Variants in CLTC observed in about 807,000 individuals in gnomAD.
CLTC encodes clathrin heavy chain, also known as clathrin heavy chain 1.
CLTC carries 16 observed loss-of-function variants against 195.8 expected under a neutral mutation model. The observed-to-expected ratio is 0.08, with a 90% confidence interval of 0.06 to 0.12. CLTC has a LOEUF of 0.12. CLTC is among the 10% of genes least tolerant of loss of function. The probability of loss-of-function intolerance (pLI) is 1.00; values close to 1 mark genes in which losing one functional copy is unlikely to be tolerated. For synonymous variants in CLTC, 667 were observed against 689.4 expected, an observed-to-expected ratio of 0.97 and a Z score of 0.51; for missense variants, 796 against 2,027.0, an observed-to-expected ratio of 0.39 and a Z score of 11.66.
chr17:59,644,228 A>T (rs767185019), intron 1 of CLTC, 48 bp from the exon 2 acceptor site: 1 of 1,497,260 alleles, frequency 6.7e-7, no homozygotes, highest in African/African-American at 1.4e-5. Flanking sequence ...ATGAATGTCA[A>T]GTCTTTGGAA....
At chr17:59,654,329 C>T (rs1567948549) in intron 5 of CLTC, among the ~76,000 whole-genome samples, 2 of 151,706 alleles carry the variant, frequency 1.3e-5, no homozygotes, top group South Asian at 2.1e-4. Flanking sequence ...GCGCGCACCA[C>T]CCCACCTGGG....
At chr17:59,689,780 A>G (rs2033258277) in intron 30 of CLTC, 1 of 152,242 alleles carries the variant, frequency 6.6e-6, no homozygotes, top group African/African-American at 2.4e-5. Flanking sequence ...TAGCCCTAGA[A>G]GAAACTGCAG....
chr17:59,667,099 T>C (rs1018227734), intron 13 of CLTC, 122 bp downstream of exon 13: 3 of 683,554 alleles, frequency 4.4e-6, no homozygotes, highest in Non-Finnish European at 7.1e-6. Flanking sequence ...GACATTTTAA[T>C]TTTTTAAGTT....
chr17:59,630,168 T>C (rs1347790476), intron 1 of CLTC, among the ~76,000 whole-genome samples: 1 of 152,070 alleles, frequency 6.6e-6, no homozygotes, highest in African/African-American at 2.4e-5. Context: ...ACCCAGCCAA[T>C]TTTTGTATTT....
intron 1 of CLTC, among the ~76,000 whole-genome samples, chr17:59,628,450 G>C (rs1217412843): frequency 2.0e-5 from 3 of 152,056 alleles, no homozygotes; most frequent in Non-Finnish European, 4.4e-5. Context: ...GTTTCCCTTT[G>C]TCCACTTGAG....
At chr17:59,656,170 A>G (rs1447432312) in intron 6 of CLTC, 143 bp downstream of exon 6, 6 of 676,082 alleles carry the variant, frequency 8.9e-6, no homozygotes, top group African/African-American at 1.9e-5. Context: ...AAAAGTAAAT[A>G]GTAACTTTGG....
chr17:59,696,078 T>G lies in CLTC; in HGVS notation c.*2226T>G, dbSNP rs182025709. The stretch of plus-strand genomic sequence containing the variant: ...GTTGGGAATGCCACTACCTTTGAAT[T>G]TGGAGCCATCAGTCTATCTGAGGCA... On this transcript the variant is annotated 3_prime_UTR_variant, in exon 32 of 32. Transcript: ENST00000269122. The G allele has an allele frequency of 9.4e-6, 2 of 212,322 alleles. No homozygotes were observed. The highest frequency in any genetic ancestry group is 1.9e-5 in the Non-Finnish European group (2 of 105,040). The allele number at this position is 212,322 out of a possible 1,614,324, so 13.2% of individuals were successfully genotyped here.
At chr17:59,633,269 T>A (rs2031773073) in intron 1 of CLTC, among the ~76,000 whole-genome samples, 2 of 152,220 alleles carry the variant, frequency 1.3e-5, no homozygotes, top group South Asian at 4.1e-4. Context: ...GGTGGGTGGA[T>A]CACTTGAGAT....
intron 10 of CLTC, 65 bp downstream of exon 10, chr17:59,664,974 G>C: frequency 2.5e-6 from 4 of 1,584,672 alleles, no homozygotes; most frequent in Non-Finnish European, 3.4e-6. Flanking sequence ...CAGCCATGGT[G>C]GTTGACTTGG....
chr17:59,628,722 A>G (rs1351102331), intron 1 of CLTC, among the ~76,000 whole-genome samples: 1 of 151,976 alleles, frequency 6.6e-6, no homozygotes, highest in Non-Finnish European at 1.5e-5. Flanking sequence ...ACGGTGGTGC[A>G]ATCTTGGTTC....
chr17:59,684,023 CAT>C (rs3215190), intron 28 of CLTC, 38 bp downstream of exon 28: 163,906 of 1,291,314 alleles, frequency 0.13, 17,078 homozygotes, highest in East Asian at 0.48. Flanking sequence ...TCTCAAGACT[CAT>C]AAAGTTATGT....
In CLTC at chr17:59,648,604, G is replaced by A; in HGVS notation, c.681+203G>A. The A allele has an allele frequency of 1.9e-6, 1 of 528,006 alleles. No homozygotes were observed. The highest frequency in any genetic ancestry group is 2.7e-5 in the South Asian group (1 of 36,606). 32.7% of individuals were successfully genotyped at this position (528,006 alleles called of 1,614,324 possible). ...TGTTCTTTCACAACTCGTTCTGTTG[G>A]CTGTTTATATTCTTTGATTGCTAAA... On this transcript the variant is annotated intron_variant, in intron 4 of 31. Transcript: ENST00000269122. The surrounding 1 kb of genome is among the most constrained non-coding windows in gnomAD (Gnocchi z 4.5).
intron 1 of CLTC, among the ~76,000 whole-genome samples, chr17:59,632,336 C>G (rs915216910): frequency 6.8e-6 from 1 of 147,558 alleles, no homozygotes; most frequent in South Asian, 2.1e-4. Flanking sequence ...CCACTGCACT[C>G]CAGCCTGGGC....
rs192120414 is a variant in CLTC at position 59,681,518 on chromosome 17, G to A, written c.3249+40G>A. The A allele has an allele frequency of 4.6e-4, 745 of 1,603,294 alleles. No individual in the cohort carries two copies. The highest frequency in any genetic ancestry group is 5.9e-4 in the Non-Finnish European group (688 of 1,171,682). On this transcript the variant is annotated intron_variant, in intron 20 of 31. Coordinates refer to ENST00000269122, the MANE Select transcript of CLTC (RefSeq NM_004859.4). The surrounding 1 kb of genome is among the most constrained non-coding windows in gnomAD (Gnocchi z 5.0). ...TACCTAAGTTGAATTACTAAACACT[G>A]TGCTATGAGGGTGGGCCTAATTGGT...
At position 59,685,032 on chromosome 17, in the gene CLTC, T is replaced by C; in HGVS notation, c.4435-24T>C. ...TGTTAAACAAAATACTGATCTGGCA[T>C]TTGGATGGCTTTTTTTTTTTAAGGC... On this transcript the variant is annotated intron_variant, in intron 28 of 31. Coordinates refer to ENST00000269122, the MANE Select transcript of CLTC (RefSeq NM_004859.4). The surrounding 1 kb of genome is among the most constrained non-coding windows in gnomAD (Gnocchi z 5.0). The C allele has an allele frequency of 6.7e-7, 1 of 1,489,494 alleles. No homozygotes were observed. The highest frequency in any genetic ancestry group is 9.0e-7 in the Non-Finnish European group (1 of 1,108,730). The allele number at this position is 1,489,494 out of a possible 1,614,324, so 92.3% of individuals were successfully genotyped here.
chr17:59,687,035 C>A (rs2033199382), intron 30 of CLTC: 3 of 985,790 alleles, frequency 3.0e-6, no homozygotes, highest in Admixed American at 6.1e-5. Flanking sequence ...AAAGTTGATT[C>A]TTTAACATCT....
intron 31 of CLTC, among the ~76,000 whole-genome samples, chr17:59,692,698 G>C (rs937825917): frequency 1.3e-5 from 2 of 152,084 alleles, no homozygotes; most frequent in African/African-American, 4.8e-5. Context: ...GTGCAGTGGC[G>C]TGATCTCGGC....
chr17:59,693,709 T>C lies in CLTC; in HGVS notation c.4904-19T>C, dbSNP rs1032066837. On this transcript the variant is annotated intron_variant, in intron 31 of 31. Transcript: ENST00000269122. ...CCTTGCCCCTGCCCCCTGCTCCTTTTTGTTTTCTTCTACTGTAGGTCAGCC... is the reference window on the plus strand; with the variant it reads ...CCTTGCCCCTGCCCCCTGCTCCTTTCTGTTTTCTTCTACTGTAGGTCAGCC... The C allele has an allele frequency of 1.2e-6, 2 of 1,606,228 alleles. No homozygotes were observed. Among genetic ancestry groups the C allele is most frequent in the Admixed American group, 1.7e-5 (1 of 58,876 alleles).
chr17:59,641,129 C>A (rs139857246), intron 1 of CLTC, among the ~76,000 whole-genome samples: 15 of 115,786 alleles, frequency 1.3e-4, no homozygotes, highest in East Asian at 4.9e-4. Flanking sequence ...AAAAAAAAAA[C>A]AAAAAACTTG....
Sources: gnomAD v4.1 joint callset for allele counts (sites outside exome capture counted in the v4.1 genomes callset) on GRCh38, gnomAD v4.1.1 for gene constraint, Gnocchi (gnomAD v3.1) non-coding constraint, MANE v1.5 for transcripts, NCBI Gene and HGNC (gene_info 2026-07-23, HGNC 2026-07-21) for gene names.